Variants in FAM204A observed in about 807,000 individuals in gnomAD.
The protein encoded by FAM204A is family with sequence similarity 204 member A.
Under a neutral mutation model 35.4 loss-of-function variants are expected in FAM204A, and 16 were observed. The ratio of observed to expected loss-of-function variants is 0.45; its 90% CI spans 0.31 to 0.69. The LOEUF (loss-of-function observed/expected upper bound fraction) is 0.69, where lower values mean the gene tolerates loss of function less well. FAM204A is among the 30% of genes least tolerant of loss of function. The probability of loss-of-function intolerance (pLI) is 0.07; values close to 1 mark genes in which losing one functional copy is unlikely to be tolerated. For missense variants in FAM204A, 240 were observed against 265.7 expected (o/e 0.90, Z 0.67); for synonymous variants, 76 against 86.9 (o/e 0.88, Z 0.70).
intron 7 of FAM204A, 66 bp from the exon 8 acceptor site, chr10:118,311,379 T>C: frequency 1.6e-6 from 2 of 1,254,794 alleles, no homozygotes; most frequent in South Asian, 2.7e-5. Context: ...TAATTACACT[T>C]ATACAAATAA....
intron 2 of FAM204A, among the ~76,000 whole-genome samples, chr10:118,336,903 G>A (rs999861918): frequency 2.0e-5 from 3 of 152,142 alleles, no homozygotes; most frequent in African/African-American, 7.2e-5. Context: ...CTTGTCTAAG[G>A]AGCAGGAAAA....
At position 118,304,251 on chromosome 10, in the gene FAM204A, C is replaced by A. The variant is rs1270902751; in HGVS notation, c.*6606G>T. 6.6e-6 allele frequency: 1 copy of A among 152,160 alleles called. No individual in the cohort carries two copies. Among genetic ancestry groups the A allele is most frequent in the East Asian group, 1.9e-4 (1 of 5,200 alleles). 9.4% of individuals were successfully genotyped at this position (152,160 alleles called of 1,614,324 possible). A position where few individuals can be genotyped will look rare whatever the true frequency, so the allele number is the denominator to read the frequency against. Reference sequence around the variant, plus strand: ...CCTCCAGGTTGCTACATAGAAGTGTCCATTTGACATTTCCATGGCATTCCA... The same window carrying A: ...CCTCCAGGTTGCTACATAGAAGTGTACATTTGACATTTCCATGGCATTCCA... On this transcript the variant is annotated 3_prime_UTR_variant, in exon 9 of 9. Transcript: ENST00000369183.
intron 7 of FAM204A, among the ~76,000 whole-genome samples, chr10:118,324,801 C>T (rs1329115317): frequency 6.6e-6 from 1 of 152,054 alleles, no homozygotes. Context: ...TTCTACCGAA[C>T]TGCACAGCTA....
chr10:118,334,229 C>T (rs928235247), intron 6 of FAM204A, among the ~76,000 whole-genome samples: 1 of 152,090 alleles, frequency 6.6e-6, no homozygotes, highest in African/African-American at 2.4e-5. Flanking sequence ...TTGGCTAGGT[C>T]CCACTCTCAA....
At position 118,310,656 on chromosome 10, in the gene FAM204A, A is replaced by T. The variant is rs992305139; in HGVS notation, c.*201T>A. On this transcript the variant is annotated 3_prime_UTR_variant, in exon 9 of 9. Coordinates refer to ENST00000369183, the MANE Select transcript of FAM204A (RefSeq NM_022063.3). ...TTTTTCTTACATTTCTTATACAAAT[A>T]ACAGAATGCTTCATTTTATTCACTT... 29 of 542,456 alleles carry T rather than the reference A, an allele frequency of 5.3e-5. No individual in the cohort carries two copies. In the Middle Eastern group the frequency reaches 1.4e-3, roughly 27 times the overall value. 33.6% of individuals were successfully genotyped at this position (542,456 alleles called of 1,614,324 possible).
At position 118,326,206 on chromosome 10, in the gene FAM204A, TC is replaced by T; in HGVS notation, c.490del (p.Glu164SerfsTer14). ...LEKRIDQAVE[E>X]WNIEKAEELS... is the part of the protein sequence containing the mutation. The stretch of plus-strand genomic sequence containing the variant: ...TTCCTCAGCCTTCTCAATATTCCAC[TC>T]CTCCACAGCCTGGTCTATCCTCTTT... On this transcript the variant is annotated frameshift_variant, in exon 7 of 9. Coordinates refer to ENST00000369183, the MANE Select transcript of FAM204A (RefSeq NM_022063.3). LOFTEE classifies it high-confidence loss of function. 1 of 1,613,852 alleles carries T rather than the reference TC, an allele frequency of 6.2e-7. No homozygotes were observed. Among genetic ancestry groups the T allele is most frequent in the South Asian group, 1.1e-5 (1 of 91,058 alleles).
chr10:118,321,690 C>G (rs1846118611), intron 7 of FAM204A, among the ~76,000 whole-genome samples: 1 of 99,190 alleles, frequency 1.0e-5, no homozygotes, highest in African/African-American at 3.7e-5. Context: ...CAGTATCATA[C>G]AATTCCCATT....
At chr10:118,332,821 T>C (rs1376569224) in intron 6 of FAM204A, among the ~76,000 whole-genome samples, 1 of 152,226 alleles carries the variant, frequency 6.6e-6, no homozygotes, top group East Asian at 1.9e-4. Context: ...CCATTAGGTA[T>C]ACATAAAACT....
At position 118,341,767 on chromosome 10, in the gene FAM204A, C is replaced by T. The variant is rs1408595410; in HGVS notation, c.-49G>A. Reference sequence around the variant, plus strand: ...AAGAGGATGGGTCTAGAAAGGTACACCGTTCCTGCTTGGCTGCACAACCCG... The same window carrying T: ...AAGAGGATGGGTCTAGAAAGGTACATCGTTCCTGCTTGGCTGCACAACCCG... On this transcript the variant is annotated 5_prime_UTR_variant, in exon 2 of 9. The change creates a new upstream start codon in the 5' untranslated region. Transcript: ENST00000369183. The T allele has an allele frequency of 6.6e-6, 1 of 152,170 alleles. No individual in the cohort carries two copies. The highest frequency in any genetic ancestry group is 1.5e-5 in the Non-Finnish European group (1 of 68,068). 9.4% of individuals were successfully genotyped at this position (152,170 alleles called of 1,614,324 possible). A position where few individuals can be genotyped will look rare whatever the true frequency, so the allele number is the denominator to read the frequency against.
chr10:118,317,148 C>T (rs537650408), intron 7 of FAM204A, among the ~76,000 whole-genome samples: 1 of 152,022 alleles, frequency 6.6e-6, no homozygotes, highest in East Asian at 1.9e-4. Context: ...GTTTTATAAG[C>T]TAATTAGAAA....
At chr10:118,336,152 T>C (rs1205558876) in intron 3 of FAM204A, 30 bp downstream of exon 3, 42 of 1,601,726 alleles carry the variant, frequency 2.6e-5, no homozygotes, top group Non-Finnish European at 3.5e-5. Flanking sequence ...ACACACAGGC[T>C]GTAGCAAGAG....
chr10:118,311,968 C>A (rs541451430), intron 7 of FAM204A, among the ~76,000 whole-genome samples: 56 of 152,274 alleles, frequency 3.7e-4, no homozygotes, highest in Admixed American at 5.9e-4. Flanking sequence ...GCCAGTCCTA[C>A]AAGATCCATT....
intron 2 of FAM204A, among the ~76,000 whole-genome samples, chr10:118,339,383 G>A (rs970295514): frequency 2.6e-5 from 4 of 152,210 alleles, no homozygotes; most frequent in African/African-American, 9.6e-5. Context: ...CTGGCACCAT[G>A]TTAGGCCTCC....
At position 118,307,774 on chromosome 10, in the gene FAM204A, G is replaced by C. The variant is rs934869690; in HGVS notation, c.*3083C>G. 1 of 152,132 alleles carries C rather than the reference G, an allele frequency of 6.6e-6. No individual in the cohort carries two copies. The highest frequency in any genetic ancestry group is 1.5e-5 in the Non-Finnish European group (1 of 68,002). 9.4% of individuals were successfully genotyped at this position (152,132 alleles called of 1,614,324 possible). ...TAATATTTTAGACAAAAGGTATAAAGAAAATCAGAAGATTTTAATGTGAGT... is the reference window on the plus strand; with the variant it reads ...TAATATTTTAGACAAAAGGTATAAACAAAATCAGAAGATTTTAATGTGAGT... On this transcript the variant is annotated 3_prime_UTR_variant, in exon 9 of 9. Transcript: ENST00000369183.
At chr10:118,322,662 A>G (rs1345534096) in intron 7 of FAM204A, among the ~76,000 whole-genome samples, 1 of 152,146 alleles carries the variant, frequency 6.6e-6, no homozygotes, top group African/African-American at 2.4e-5. Flanking sequence ...AAATTTAAAT[A>G]AAGTATGTCA....
chr10:118,332,538 C>T (rs1264726748), intron 6 of FAM204A, among the ~76,000 whole-genome samples: 1 of 106,910 alleles, frequency 9.4e-6, no homozygotes, highest in Admixed American at 8.3e-5. Context: ...CCTAATGCCC[C>T]TCCCTCCACA....
chr10:118,323,813 T>C (rs760232794), intron 7 of FAM204A, among the ~76,000 whole-genome samples: 16 of 152,140 alleles, frequency 1.1e-4, no homozygotes, highest in Admixed American at 2.6e-4. Flanking sequence ...AAAGTAACTA[T>C]ACTTCCAAGC....
Position 118,326,134 on chromosome 10 carries a change from G to T in FAM204A, c.543+20C>A. 1 of 1,588,530 alleles carries T rather than the reference G, an allele frequency of 6.3e-7. No individual in the cohort carries two copies. Among genetic ancestry groups the T allele is most frequent in the African/African-American group, 1.4e-5 (1 of 73,812 alleles). ...TAGAAAATTTGAAAATACAGAAAAT[G>T]TGTAACCCTTTTGACTCACCTCTCG... On this transcript the variant is annotated intron_variant, in intron 7 of 8. Coordinates refer to ENST00000369183, the MANE Select transcript of FAM204A (RefSeq NM_022063.3).
chr10:118,320,817 C>T (rs1305210260), intron 7 of FAM204A, among the ~76,000 whole-genome samples: 2 of 151,620 alleles, frequency 1.3e-5, no homozygotes, highest in Admixed American at 6.6e-5. Context: ...AGTATGATTC[C>T]GGAAAACTAT....
Sources: allele counts gnomAD v4.1 joint callset (sites outside exome capture counted in the v4.1 genomes callset), GRCh38; gene constraint gnomAD v4.1.1; transcripts MANE v1.5; gene names NCBI Gene and HGNC (gene_info 2026-07-23, HGNC 2026-07-21).